The following INTS15 variants were observed in gnomAD, a reference collection of about 807,000 sequenced individuals.
The protein encoded by INTS15 is integrator complex subunit 15.
At chr7:6,599,051 G>C in the INTS15 span, among the ~76,000 whole-genome samples, 1 of 152,152 alleles carries the variant, frequency 6.6e-6, no homozygotes, top group South Asian at 2.1e-4. Flanking sequence ...GCCTCCCAAA[G>C]TGCTGGGATT....
chr7:6,593,329 G>GTT, the INTS15 span, among the ~76,000 whole-genome samples: 14,339 of 130,754 alleles, frequency 0.11, 1,014 homozygotes, highest in African/African-American at 0.18. Context: ...CTGTGCGGTG[G>GTT]TTTTTTTTTT....
At chr7:6,591,887 C>G in the INTS15 span, 1 of 1,605,544 alleles carries the variant, frequency 6.2e-7, no homozygotes. Flanking sequence ...AAGAGAGACC[C>G]TCGGCCGGGT....
the INTS15 span, among the ~76,000 whole-genome samples, chr7:6,603,089 A>C: frequency 6.6e-6 from 1 of 151,630 alleles, no homozygotes; most frequent in South Asian, 2.1e-4. Context: ...GTCTCTACTT[A>C]AAATACAAAA....
the INTS15 span, among the ~76,000 whole-genome samples, chr7:6,596,744 A>T: frequency 4.0e-5 from 6 of 151,778 alleles, no homozygotes; most frequent in African/African-American, 1.5e-4. Context: ...TATTGTGAAC[A>T]TGCAAGCGCG....
the INTS15 span, among the ~76,000 whole-genome samples, chr7:6,597,982 C>G: frequency 6.6e-6 from 1 of 152,160 alleles, no homozygotes; most frequent in Non-Finnish European, 1.5e-5. Context: ...AACTGGGATC[C>G]TAGAGACTGA....
the INTS15 span, among the ~76,000 whole-genome samples, chr7:6,606,802 C>T: frequency 6.6e-6 from 1 of 150,976 alleles, no homozygotes; most frequent in Admixed American, 6.6e-5. Flanking sequence ...AACTTCTGAA[C>T]TCAAGCAATC....
chr7:6,607,085 G>C, the INTS15 span, among the ~76,000 whole-genome samples: 1 of 152,036 alleles, frequency 6.6e-6, no homozygotes. This position sits in a 1 kb window ranked among gnomAD's most constrained non-coding sequence, Gnocchi z 6.0. Flanking sequence ...TCGGCTGGGG[G>C]AGCTGGGGGT....
At chr7:6,607,864 C>G in the INTS15 span, 10 of 1,547,072 alleles carry the variant, frequency 6.5e-6, no homozygotes, top group Non-Finnish European at 8.7e-6. This position sits in a 1 kb window ranked among gnomAD's most constrained non-coding sequence, Gnocchi z 6.0. Context: ...CGGTGCCTCT[C>G]CTGGGCGGGG....
At chr7:6,591,717 C>T in the INTS15 span, 1 of 1,614,078 alleles carries the variant, frequency 6.2e-7, no homozygotes, top group Non-Finnish European at 8.5e-7. Context: ...AAACCAAGGA[C>T]TCTGTTCGGC....
chr7:6,598,250 A>T, the INTS15 span, among the ~76,000 whole-genome samples: 1 of 152,112 alleles, frequency 6.6e-6, no homozygotes, highest in African/African-American at 2.4e-5. Context: ...TGGGCGGATC[A>T]CCTGCAGTCA....
the INTS15 span, among the ~76,000 whole-genome samples, chr7:6,601,667 T>C: frequency 1.3e-5 from 2 of 150,828 alleles, no homozygotes; most frequent in Non-Finnish European, 3.0e-5. Context: ...TTTCTTTTTT[T>C]TTTTTTCGAG....
At chr7:6,594,650 A>G in the INTS15 span, 10 of 1,576,040 alleles carry the variant, frequency 6.3e-6, no homozygotes, top group Non-Finnish European at 8.7e-6. Flanking sequence ...GTCAATGGCT[A>G]GTTTTATTTT....
At chr7:6,607,509 GC>G in the INTS15 span, 21 of 1,305,120 alleles carry the variant, frequency 1.6e-5, no homozygotes, top group Non-Finnish European at 2.1e-5. This position sits in a 1 kb window ranked among gnomAD's most constrained non-coding sequence, Gnocchi z 6.0. Flanking sequence ...CCCCGAGGGG[GC>G]CGCACCGGAC....
At chr7:6,592,356 C>G in the INTS15 span, among the ~76,000 whole-genome samples, 1 of 152,026 alleles carries the variant, frequency 6.6e-6, no homozygotes, top group South Asian at 2.1e-4. Context: ...CACTTGAGGT[C>G]AGGAGTTTGA....
At chr7:6,598,639 A>T in the INTS15 span, among the ~76,000 whole-genome samples, 1 of 152,086 alleles carries the variant, frequency 6.6e-6, no homozygotes, top group East Asian at 1.9e-4. Context: ...CTGTGCACAC[A>T]GGCAGCCTAA....
At chr7:6,590,404 G>A in the INTS15 span, 3 of 1,606,680 alleles carry the variant, frequency 1.9e-6, no homozygotes, top group Non-Finnish European at 2.5e-6. Flanking sequence ...GCCCATCGTG[G>A]ACAAGGGCCC....
chr7:6,606,804 C>G, the INTS15 span, among the ~76,000 whole-genome samples: 1 of 151,308 alleles, frequency 6.6e-6, no homozygotes, highest in Non-Finnish European at 1.5e-5. Context: ...CTTCTGAACT[C>G]AAGCAATCCT....
the INTS15 span, among the ~76,000 whole-genome samples, chr7:6,599,534 A>G: frequency 1.3e-5 from 2 of 152,192 alleles, no homozygotes; most frequent in Non-Finnish European, 2.9e-5. Flanking sequence ...GCAGGAGGCA[A>G]TTTCTCCAAA....
the INTS15 span, among the ~76,000 whole-genome samples, chr7:6,593,669 G>C: frequency 7.8e-6 from 1 of 127,914 alleles, no homozygotes; most frequent in South Asian, 2.5e-4. Context: ...TTTTTTTTGA[G>C]ACGGTCTTGC....
Sources: allele counts gnomAD v4.1 joint callset (sites outside exome capture counted in the v4.1 genomes callset), GRCh38; gene constraint gnomAD v4.1.1; non-coding constraint Gnocchi (gnomAD v3.1); transcripts MANE v1.5; gene names NCBI Gene and HGNC (gene_info 2026-07-23, HGNC 2026-07-21).